The following PCDHB9 variants were observed in gnomAD, a reference collection of about 807,000 sequenced individuals.
PCDHB9 encodes protocadherin beta 9.
For missense variants in PCDHB9, 1,072 were observed against 995.1 expected, an observed-to-expected ratio of 1.08 and a Z score of -1.04; for synonymous variants, 501 against 439.7, an observed-to-expected ratio of 1.14 and a Z score of -1.75.
chr5:141,189,856 A>T lies in PCDHB9; in HGVS notation c.*144A>T. The T allele has an allele frequency of 1.6e-6, 1 of 638,780 alleles. No homozygotes were observed. Among genetic ancestry groups the T allele is most frequent in the East Asian group, 3.0e-5 (1 of 33,398 alleles). The allele number at this position is 638,780 out of a possible 1,614,324, so 39.6% of individuals were successfully genotyped here. Reference sequence around the variant, plus strand: ...GTATTATGCTTAACTTCACAAGTTAACTTTTTCTTATTTTGTATCCTGATG... The same window carrying T: ...GTATTATGCTTAACTTCACAAGTTATCTTTTTCTTATTTTGTATCCTGATG... On this transcript the variant is annotated 3_prime_UTR_variant, in exon 1 of 1. Transcript: ENST00000316105.
rs367612406 is a variant in PCDHB9 at position 141,187,978 on chromosome 5, A to G, written c.660A>G (p.Pro220=). ...TCACAGCGCTGGATGGTGGGTCTCC[A>G]TCCAGGTCTGGGACCTCCACTATAC... ...LTLTALDGGS[P]SRSGTSTIRI... The change falls in exon 1 of 1, where the codon CCA becomes CCG. Residue 220 remains proline, a synonymous_variant. Transcript: ENST00000316105. 3 of 1,614,030 alleles carry G rather than the reference A, an allele frequency of 1.9e-6. No homozygotes were observed. The highest frequency in any genetic ancestry group is 2.5e-6 in the Non-Finnish European group (3 of 1,179,970).
At position 141,190,443 on chromosome 5, in the gene PCDHB9, G is replaced by A. The variant is rs375744473; in HGVS notation, c.*731G>A. ...CCCCACTCAGCCTCCCAAATTGCTG[G>A]GATTTACAGGCATGAGCCACCGCAC... On this transcript the variant is annotated 3_prime_UTR_variant, in exon 1 of 1. Coordinates refer to ENST00000316105, the MANE Select transcript of PCDHB9 (RefSeq NM_019119.5). The A allele has an allele frequency of 6.6e-6, 1 of 151,470 alleles. No individual in the cohort carries two copies. Among genetic ancestry groups the A allele is most frequent in the Admixed American group, 6.6e-5 (1 of 15,196 alleles). 9.4% of individuals were successfully genotyped at this position (151,470 alleles called of 1,614,324 possible).
chr5:141,187,613 A>G lies in PCDHB9; in HGVS notation c.295A>G (p.Lys99Glu), dbSNP rs182817652. ...GGACCGAGAGAAGCTGTGTGGCCCT[A>G]AAGAGCCCTGTATGCTGTATTTCCA... ...KLDREKLCGP[K>E]EPCMLYFQIL... The change falls in exon 1 of 1, where the codon AAA becomes GAA. Residue 99 changes from lysine to glutamate, a missense_variant. Transcript: ENST00000316105. 4.9e-3 allele frequency: 7,906 copies of G among 1,613,146 alleles called. 32 individuals carry two copies. The highest frequency in any genetic ancestry group is 8.9e-3 in the Middle Eastern group (54 of 6,060).
Position 141,187,947 on chromosome 5 carries a change from T to G in PCDHB9, c.629T>G (p.Leu210Ter). 1 of 1,614,110 alleles carries G rather than the reference T, an allele frequency of 6.2e-7. No individual in the cohort carries two copies. Among genetic ancestry groups the G allele is most frequent in the African/African-American group, 1.3e-5 (1 of 75,036 alleles). Residue 210 changes from leucine (L) to a stop codon, truncating the protein, a stop_gained, in exon 1 of 1, where the codon TTA (leucine) becomes TGA (stop). Coordinates refer to ENST00000316105, the MANE Select transcript of PCDHB9 (RefSeq NM_019119.5). LOFTEE classifies it low-confidence loss of function (END_TRUNC). ...LDREEQEELSLTLTALDGGSP... is the reference protein window; with the variant it reads ...LDREEQEELS ...CGGGAGGAGCAGGAAGAGCTCAGCT[T>G]AACCCTCACAGCGCTGGATGGTGGG...
In PCDHB9 at chr5:141,187,974, C is replaced by T; in HGVS notation, c.656C>T (p.Ser219Phe). 4 of 1,614,108 alleles carry T rather than the reference C, an allele frequency of 2.5e-6. No homozygotes were observed. The highest frequency in any genetic ancestry group is 3.4e-6 in the Non-Finnish European group (4 of 1,180,024). Reference sequence around the variant, plus strand: ...ACCCTCACAGCGCTGGATGGTGGGTCTCCATCCAGGTCTGGGACCTCCACT... The same window carrying T: ...ACCCTCACAGCGCTGGATGGTGGGTTTCCATCCAGGTCTGGGACCTCCACT... Reference protein sequence around the residue: ...SLTLTALDGGSPSRSGTSTIR... With the variant: ...SLTLTALDGGFPSRSGTSTIR... Residue 219 changes from serine to phenylalanine, a missense_variant, in exon 1 of 1, where the codon TCT becomes TTT. Transcript: ENST00000316105.
At position 141,187,713 on chromosome 5, in the gene PCDHB9, T is replaced by G; in HGVS notation, c.395T>G (p.Val132Gly). ...RVRDINDHSP[V>G]FRHKEMVLKI... ...AGGGATATAAATGATCACTCGCCAGTGTTTCGGCACAAAGAGATGGTCTTA... is the reference window on the plus strand; with the variant it reads ...AGGGATATAAATGATCACTCGCCAGGGTTTCGGCACAAAGAGATGGTCTTA... The change falls in exon 1 of 1, where the codon GTG (valine) becomes GGG (glycine). Residue 132 changes from valine (V) to glycine (G), a missense_variant. Coordinates refer to ENST00000316105, the MANE Select transcript of PCDHB9 (RefSeq NM_019119.5). 1 of 1,614,170 alleles carries G rather than the reference T, an allele frequency of 6.2e-7. No homozygotes were observed. The highest frequency in any genetic ancestry group is 1.1e-5 in the South Asian group (1 of 91,080).
At position 141,187,601 on chromosome 5, in the gene PCDHB9, C is replaced by T. The variant is rs1554282817; in HGVS notation, c.283C>T (p.Leu95=). The change falls in exon 1 of 1, where the codon CTG becomes TTG. Residue 95 remains leucine (L), a synonymous_variant. Transcript: ENST00000316105. ...AAATGAGAAACTGGACCGAGAGAAG[C>T]TGTGTGGCCCTAAAGAGCCCTGTAT... ...LTNEKLDREK[L]CGPKEPCMLY... is the part of the protein sequence containing the mutation. 3.1e-6 allele frequency: 5 copies of T among 1,611,602 alleles called. No homozygotes were observed. The highest frequency in any genetic ancestry group is 4.2e-6 in the Non-Finnish European group (5 of 1,178,206).
Position 141,188,369 on chromosome 5 carries a change from T to C in PCDHB9, c.1051T>C (p.Ser351Pro). 6.2e-7 allele frequency: 1 copy of C among 1,614,052 alleles called. No homozygotes were observed. Among genetic ancestry groups the C allele is most frequent in the Middle Eastern group, 1.7e-4 (1 of 6,056 alleles). ...CAATCCTCCTGAACTGATCATATCA[T>C]CACTTTCCAACTCTGTTGCTGAAAA... ...NDNPPELIIS[S>P]LSNSVAENSP... The change falls in exon 1 of 1, where the codon TCA (serine) becomes CCA (proline). Residue 351 changes from serine (S) to proline (P), a missense_variant. Coordinates refer to ENST00000316105, the MANE Select transcript of PCDHB9 (RefSeq NM_019119.5).
rs1334828217 is a variant in PCDHB9, at chr5:141,190,953, T to G, written c.*1241T>G. 6.6e-6 allele frequency: 1 copy of G among 152,156 alleles called. No homozygotes were observed. The highest frequency in any genetic ancestry group is 1.9e-4 in the East Asian group (1 of 5,192). 9.4% of individuals were successfully genotyped at this position (152,156 alleles called of 1,614,324 possible). The stretch of plus-strand genomic sequence containing the variant: ...TATTATAGACAAAATAGAGCTTCTT[T>G]CTAGATATAAGGTCTTTGAGGCAGG... On this transcript the variant is annotated 3_prime_UTR_variant, in exon 1 of 1. Coordinates refer to ENST00000316105, the MANE Select transcript of PCDHB9 (RefSeq NM_019119.5).
In PCDHB9 at chr5:141,188,958, T is replaced by C. The variant is rs1588366801; in HGVS notation, c.1640T>C (p.Val547Ala). 6.2e-7 allele frequency: 1 copy of C among 1,611,842 alleles called. No individual in the cohort carries two copies. Among genetic ancestry groups the C allele is most frequent in the Admixed American group, 1.7e-5 (1 of 60,004 alleles). Residue 547 changes from valine (V) to alanine (A), a missense_variant, in exon 1 of 1, where the codon GTG (valine) becomes GCG (alanine). Val to Ala is a moderately conservative substitution (Grantham distance 64, BLOSUM62 0). Coordinates refer to ENST00000316105, the MANE Select transcript of PCDHB9 (RefSeq NM_019119.5). ...GSPALSSEALVRVLVLDANDN... is the reference protein window; with the variant it reads ...GSPALSSEALARVLVLDANDN... ...CCGGCTTTGAGCAGCGAGGCGCTGG[T>C]GCGCGTACTGGTGCTGGACGCCAAC...
Position 141,188,871 on chromosome 5 carries a change from C to T in PCDHB9, c.1553C>T (p.Ser518Leu). The change falls in exon 1 of 1, where the codon TCG becomes TTG. Residue 518 changes from serine (S) to leucine (L), a missense_variant. Ser to Leu is a moderately radical substitution (Grantham distance 145). Coordinates refer to ENST00000316105, the MANE Select transcript of PCDHB9 (RefSeq NM_019119.5). ...ADNGHLFALR[S>L]LDYEALQAFD... ...AATGGCCACCTGTTTGCCCTCAGGTCGCTGGACTACGAGGCCCTGCAGGCT... is the reference window on the plus strand; with the variant it reads ...AATGGCCACCTGTTTGCCCTCAGGTTGCTGGACTACGAGGCCCTGCAGGCT... The T allele has an allele frequency of 6.2e-7, 1 of 1,612,758 alleles. No homozygotes were observed. The highest frequency in any genetic ancestry group is 8.5e-7 in the Non-Finnish European group (1 of 1,179,940).
chr5:141,188,769 C>A lies in PCDHB9; in HGVS notation c.1451C>A (p.Ala484Asp), dbSNP rs527278361. ...SATDRDSGTNAQVTYSLLPPQ... is the reference protein window; with the variant it reads ...SATDRDSGTNDQVTYSLLPPQ... ...ACAGACAGAGACTCAGGCACCAACGCCCAGGTCACCTACTCGCTGCTGCCG... is the reference window on the plus strand; with the variant it reads ...ACAGACAGAGACTCAGGCACCAACGACCAGGTCACCTACTCGCTGCTGCCG... The change falls in exon 1 of 1, where the codon GCC (alanine) becomes GAC (aspartate). Residue 484 changes from alanine to aspartate, a missense_variant. Coordinates refer to ENST00000316105, the MANE Select transcript of PCDHB9 (RefSeq NM_019119.5). The A allele has an allele frequency of 4.3e-6, 7 of 1,613,034 alleles. No individual in the cohort carries two copies. The highest frequency in any genetic ancestry group is 5.9e-6 in the Non-Finnish European group (7 of 1,180,040).
chr5:141,188,881 C>T lies in PCDHB9; in HGVS notation c.1563C>T (p.Tyr521=), dbSNP rs61747370. Residue 521 remains tyrosine, a synonymous_variant, in exon 1 of 1, where the codon TAC becomes TAT. Transcript: ENST00000316105. The part of the protein sequence containing the change: ...GHLFALRSLD[Y]EALQAFDFRV... ...TGTTTGCCCTCAGGTCGCTGGACTA[C>T]GAGGCCCTGCAGGCTTTCGACTTCC... 2,305 of 1,612,662 alleles carry T rather than the reference C, an allele frequency of 1.4e-3. 35 individuals carry two copies. The African/African-American group carries it at 0.025, about 17-fold the overall frequency.
At position 141,188,467 on chromosome 5, in the gene PCDHB9, C is replaced by G. The variant is rs782298552; in HGVS notation, c.1149C>G (p.Cys383Trp). Residue 383 changes from cysteine to tryptophan, a missense_variant, in exon 1 of 1, where the codon TGC (cysteine) becomes TGG (tryptophan). Cys to Trp is a radical substitution (Grantham distance 215, BLOSUM62 -2). Coordinates refer to ENST00000316105, the MANE Select transcript of PCDHB9 (RefSeq NM_019119.5). Reference protein sequence around the residue: ...RDSGENGKTICYVQDNLPFFL... With the variant: ...RDSGENGKTIWYVQDNLPFFL... ...CCGGAGAAAATGGAAAGACAATTTG[C>G]TATGTTCAAGATAATCTGCCTTTTT... is the stretch of plus-strand genomic sequence containing the variant. 1.5e-5 allele frequency: 25 copies of G among 1,614,032 alleles called. No individual in the cohort carries two copies. Among genetic ancestry groups the G allele is most frequent in the Admixed American group, 1.3e-4 (8 of 59,996 alleles).
At position 141,188,176 on chromosome 5, in the gene PCDHB9, A is replaced by G. The variant is rs372812181; in HGVS notation, c.858A>G (p.Glu286=). 4.7e-4 allele frequency: 754 copies of G among 1,610,754 alleles called. No individual in the cohort carries two copies. The highest frequency in any genetic ancestry group is 5.9e-4 in the Non-Finnish European group (691 of 1,177,972). The change falls in exon 1 of 1, where the codon GAA becomes GAG. Residue 286 remains glutamate, a synonymous_variant. Coordinates refer to ENST00000316105, the MANE Select transcript of PCDHB9 (RefSeq NM_019119.5). ...EVSYSFFDAS[E]DILTTFQINP... The stretch of plus-strand genomic sequence containing the variant: ...CCTATTCATTTTTTGATGCTTCTGA[A>G]GATATTTTAACAACGTTTCAAATCA...
Position 141,187,173 on chromosome 5 carries a change from G to A in PCDHB9, c.-146G>A. On this transcript the variant is annotated 5_prime_UTR_variant, in exon 1 of 1. The change abolishes an upstream ATG in the 5' untranslated region. Transcript: ENST00000316105. ...ACAAAAAGGAAACACTGAGACAGATGGGCTGAGAAGAAGAGCTGTCGAGTC... is the reference window on the plus strand; with the variant it reads ...ACAAAAAGGAAACACTGAGACAGATAGGCTGAGAAGAAGAGCTGTCGAGTC... 1.7e-6 allele frequency: 2 copies of A among 1,156,526 alleles called. No homozygotes were observed. The highest frequency in any genetic ancestry group is 2.4e-6 in the Non-Finnish European group (2 of 828,410). The allele number at this position is 1,156,526 out of a possible 1,614,324, so 71.6% of individuals were successfully genotyped here.
rs1442935031 is a variant in PCDHB9, at chr5:141,189,719, C to T, written c.*7C>T. ...CTTTGGATTTAATTATTGAAAGGAA[C>T]CCACTTAATAAAGACATTTACTTCT... is the stretch of plus-strand genomic sequence containing the variant. On this transcript the variant is annotated 3_prime_UTR_variant, in exon 1 of 1. Coordinates refer to ENST00000316105, the MANE Select transcript of PCDHB9 (RefSeq NM_019119.5). 9.6e-6 allele frequency: 15 copies of T among 1,559,390 alleles called. No homozygotes were observed. In the Admixed American group the frequency reaches 2.5e-4, roughly 26 times the overall value.
In PCDHB9 at chr5:141,188,901, A is replaced by G; in HGVS notation, c.1583A>G (p.Asp528Gly). 1 of 1,612,300 alleles carries G rather than the reference A, an allele frequency of 6.2e-7. No homozygotes were observed. Among genetic ancestry groups the G allele is most frequent in the African/African-American group, 1.3e-5 (1 of 74,954 alleles). Reference sequence around the variant, plus strand: ...GACTACGAGGCCCTGCAGGCTTTCGACTTCCGCGTGGGCGCCTCAGACCGC... The same window carrying G: ...GACTACGAGGCCCTGCAGGCTTTCGGCTTCCGCGTGGGCGCCTCAGACCGC... Reference protein sequence around the residue: ...SLDYEALQAFDFRVGASDRGS... With the variant: ...SLDYEALQAFGFRVGASDRGS... Residue 528 changes from aspartate (D) to glycine (G), a missense_variant, in exon 1 of 1, where the codon GAC becomes GGC. Coordinates refer to ENST00000316105, the MANE Select transcript of PCDHB9 (RefSeq NM_019119.5).
chr5:141,189,361 C>T lies in PCDHB9; in HGVS notation c.2043C>T (p.Ala681=). The T allele has an allele frequency of 6.2e-7, 1 of 1,611,626 alleles. No homozygotes were observed. Among genetic ancestry groups the T allele is most frequent in the Non-Finnish European group, 8.5e-7 (1 of 1,179,806 alleles). ...LPLPEAAPAQ[A]QADLLTVYLV... ...TCCCGGAGGCGGCCCCGGCCCAGGC[C>T]CAGGCCGACTTGCTCACCGTCTACC... The change falls in exon 1 of 1, where the codon GCC becomes GCT. Residue 681 remains alanine (A), a synonymous_variant. Coordinates refer to ENST00000316105, the MANE Select transcript of PCDHB9 (RefSeq NM_019119.5).
Sources: gnomAD v4.1 joint callset for allele counts on GRCh38, gnomAD v4.1.1 for gene constraint, MANE v1.5 for transcripts, NCBI Gene and HGNC (gene_info 2026-07-23, HGNC 2026-07-21) for gene names.